The following FBXO16 variants were observed in gnomAD, a reference collection of about 807,000 sequenced individuals.
FBXO16 encodes the protein F-box only protein 16.
Under a neutral mutation model 41.0 loss-of-function variants are expected in FBXO16, and 31 were observed. The ratio of observed to expected loss-of-function variants is 0.76; its 90% confidence interval spans 0.57 to 1.02. FBXO16 has a LOEUF of 1.02. Among genes scored for constraint, FBXO16 ranks in the 50% least tolerant of loss-of-function variants. FBXO16 has a pLI of 0.00. For synonymous variants in FBXO16, 133 were observed against 117.8 expected (o/e 1.13, Z -0.84); for missense variants, 361 against 346.2 (o/e 1.04, Z -0.34).
chr8:28,478,282 C>T (rs894149595), intron 2 of FBXO16, among the ~76,000 whole-genome samples: 1 of 152,082 alleles, frequency 6.6e-6, no homozygotes, highest in Non-Finnish European at 1.5e-5. Flanking sequence ...GTGATGTACT[C>T]GTTCCCCTCC....
At chr8:28,436,650 C>T (rs2130084180) in intron 7 of FBXO16, among the ~76,000 whole-genome samples, 1 of 152,276 alleles carries the variant, frequency 6.6e-6, no homozygotes, top group Middle Eastern at 3.4e-3. Context: ...TATTTCAAAA[C>T]ACCTGTGTCT....
intron 2 of FBXO16, among the ~76,000 whole-genome samples, chr8:28,480,785 G>A (rs1803498341): frequency 3.3e-5 from 5 of 152,104 alleles, no homozygotes. Context: ...GATTACAAGT[G>A]TGAGCCACTG....
In FBXO16 at chr8:28,452,304, G is replaced by A; in HGVS notation, c.680C>T (p.Thr227Ile). ...PPWRSSDKHP[T>I]DIIRFNYLDN... ...TAGGTAATTAAAACGAATGATATCT[G>A]TTGGGTGCTTATCAGAAGATCGCCA... The change falls in exon 6 of 9, where the codon ACA becomes ATA. Residue 227 changes from threonine to isoleucine, a missense_variant. Thr to Ile is a moderately conservative substitution (Grantham distance 89). Transcript: ENST00000380254. 1 of 1,614,194 alleles carries A rather than the reference G, an allele frequency of 6.2e-7. No homozygotes were observed. The highest frequency in any genetic ancestry group is 8.5e-7 in the Non-Finnish European group (1 of 1,180,018).
chr8:28,452,345 C>T lies in FBXO16; in HGVS notation c.639G>A (p.Glu213=), dbSNP rs1284893098. 1.1e-5 allele frequency: 18 copies of T among 1,614,190 alleles called. No homozygotes were observed. Among genetic ancestry groups the T allele is most frequent in the Non-Finnish European group, 1.5e-5 (18 of 1,180,040 alleles). The change falls in exon 6 of 9, where the codon GAG becomes GAA. Residue 213 remains glutamate (E), a synonymous_variant. Coordinates refer to ENST00000380254, the MANE Select transcript of FBXO16 (RefSeq NM_172366.4). ...AAGATCGCCAGGGTGGAAGTGCTTT[C>T]TCCCCTGAGTTATTCTTCTTTCTTA... is the stretch of plus-strand genomic sequence containing the variant. ...SSLRKKNNSG[E]KALPPWRSSD...
chr8:28,457,200 A>G (rs1208399451), intron 4 of FBXO16, among the ~76,000 whole-genome samples: 1 of 152,228 alleles, frequency 6.6e-6, no homozygotes, highest in African/African-American at 2.4e-5. Context: ...TTATCTTCAT[A>G]GCAACCTAGG....
intron 6 of FBXO16, among the ~76,000 whole-genome samples, chr8:28,450,472 C>T (rs1802935270): frequency 6.6e-6 from 1 of 152,116 alleles, no homozygotes. Context: ...AAATTGAAAA[C>T]TTTTGTGCTC....
intron 7 of FBXO16, among the ~76,000 whole-genome samples, chr8:28,430,919 C>CTGTG (rs1802595972): frequency 6.6e-6 from 1 of 152,108 alleles, no homozygotes; most frequent in African/African-American, 2.4e-5. Context: ...TGACAGTGAG[C>CTGTG]AAGACCGCGC....
intron 6 of FBXO16, among the ~76,000 whole-genome samples, chr8:28,448,105 C>T (rs921132960): frequency 4.0e-5 from 6 of 151,868 alleles, no homozygotes; most frequent in East Asian, 1.9e-4. Flanking sequence ...TTTGGAAAGG[C>T]GAGAGGGAAG....
At chr8:28,455,264 G>A (rs1195153701) in intron 5 of FBXO16, among the ~76,000 whole-genome samples, 1 of 150,206 alleles carries the variant, frequency 6.7e-6, no homozygotes, top group African/African-American at 2.5e-5. Context: ...TTTTGAGACA[G>A]AGTATTGCTC....
chr8:28,441,294 C>T (rs968160266), intron 7 of FBXO16, among the ~76,000 whole-genome samples: 5 of 152,104 alleles, frequency 3.3e-5, no homozygotes, highest in Non-Finnish European at 7.4e-5. Context: ...ATCTCTAGAC[C>T]AGCAGGTTTT....
chr8:28,458,430 T>C (rs1803071043), intron 4 of FBXO16, among the ~76,000 whole-genome samples: 1 of 151,360 alleles, frequency 6.6e-6, no homozygotes, highest in Non-Finnish European at 1.5e-5. Context: ...AACACCCACC[T>C]CATCTCCACA....
chr8:28,451,435 G>A (rs1802952195), intron 6 of FBXO16, among the ~76,000 whole-genome samples: 2 of 150,266 alleles, frequency 1.3e-5, no homozygotes, highest in South Asian at 4.2e-4. Context: ...ATATTGCACA[G>A]GCTGGTCTCA....
At chr8:28,471,913 A>G (rs1250777584) in intron 3 of FBXO16, among the ~76,000 whole-genome samples, 1 of 152,022 alleles carries the variant, frequency 6.6e-6, no homozygotes, top group East Asian at 1.9e-4. Context: ...CAGATGAGAA[A>G]GTCCTAGTTT....
intron 5 of FBXO16, among the ~76,000 whole-genome samples, chr8:28,456,346 C>T (rs1029143446): frequency 2.6e-5 from 4 of 152,092 alleles, no homozygotes; most frequent in Non-Finnish European, 5.9e-5. Flanking sequence ...TCCTTATAAA[C>T]GATACAAAAA....
In FBXO16 at chr8:28,447,193, C is replaced by T; in HGVS notation, c.821G>A (p.Arg274Lys). The T allele has an allele frequency of 1.2e-6, 2 of 1,613,722 alleles. No homozygotes were observed. Among genetic ancestry groups the T allele is most frequent in the Non-Finnish European group, 1.7e-6 (2 of 1,179,884 alleles). ...DKKNKLQDRT[R>K]LRKAQSMMSR... Reference sequence around the variant, plus strand: ...TACCATTGATTGTGCTTTTCTTAGCCTAGTTCTGTCCTGCAATTTATTTTT... The same window carrying T: ...TACCATTGATTGTGCTTTTCTTAGCTTAGTTCTGTCCTGCAATTTATTTTT... Residue 274 changes from arginine (R) to lysine (K), a missense_variant, in exon 7 of 9, where the codon AGG (arginine) becomes AAG (lysine). Arg to Lys is a conservative substitution (Grantham distance 26, BLOSUM62 2). Transcript: ENST00000380254.
chr8:28,488,488 G>A (rs1466068050), intron 1 of FBXO16, among the ~76,000 whole-genome samples: 1 of 149,660 alleles, frequency 6.7e-6, no homozygotes, highest in Non-Finnish European at 1.5e-5. Flanking sequence ...ATTTTTTGTA[G>A]AGATAAGGTC....
intron 4 of FBXO16, among the ~76,000 whole-genome samples, chr8:28,459,018 A>G (rs1356620080): frequency 6.6e-6 from 1 of 152,194 alleles, no homozygotes; most frequent in Non-Finnish European, 1.5e-5. Flanking sequence ...CATGGTCAGT[A>G]GTGAGAAGAA....
At chr8:28,447,533 T>G (rs1214668197) in intron 6 of FBXO16, 1 of 407,380 alleles carries the variant, frequency 2.5e-6, no homozygotes, top group Non-Finnish European at 4.5e-6. Context: ...CAGGATATAC[T>G]GTTACATTAA....
chr8:28,466,153 C>T (rs921444664), intron 3 of FBXO16, among the ~76,000 whole-genome samples: 14 of 151,984 alleles, frequency 9.2e-5, no homozygotes, highest in South Asian at 4.1e-4. Flanking sequence ...GCAGGAGAAT[C>T]GCTTGAACCC....
Sources: allele counts gnomAD v4.1 joint callset (sites outside exome capture counted in the v4.1 genomes callset), GRCh38; gene constraint gnomAD v4.1.1; transcripts MANE v1.5; gene names NCBI Gene and HGNC (gene_info 2026-07-23, HGNC 2026-07-21).